TSSK4: variants seen among roughly 807,000 people sequenced by gnomAD.
The protein encoded by TSSK4 is testis-specific serine/threonine-protein kinase 4.
A neutral mutation model predicts 28.5 loss-of-function variants in TSSK4; 22 were observed. That is an observed-to-expected ratio of 0.77 (90% confidence interval 0.55 to 1.10). The LOEUF is 1.10. Among genes scored for constraint, TSSK4 ranks in the 50% least tolerant of loss-of-function variants. The pLI, the probability that TSSK4 is intolerant of heterozygous loss-of-function variation, is 0.00. For missense variants in TSSK4, 329 were observed against 415.4 expected (o/e 0.79, Z 1.81); for synonymous variants, 151 against 158.3 (o/e 0.95, Z 0.35).
chr14:24,207,573 A>G (rs1010523293), intron 3 of TSSK4, 64 bp downstream of exon 3: 8 of 1,523,200 alleles, frequency 5.3e-6, no homozygotes, highest in Non-Finnish European at 7.0e-6. Context: ...TGAATATCCA[A>G]CCTAGGTCAC....
In TSSK4 at chr14:24,207,283, A is replaced by C; in HGVS notation, c.608A>C (p.His203Pro). The change falls in exon 3 of 4, where the codon CAC (histidine) becomes CCC (proline). Residue 203 changes from histidine to proline, a missense_variant. Coordinates refer to ENST00000339917, the MANE Select transcript of TSSK4 (RefSeq NM_001184739.2). ...PSYRQVNCFSHLSQTYCGSFA... is the reference protein window; with the variant it reads ...PSYRQVNCFSPLSQTYCGSFA... Reference sequence around the variant, plus strand: ...TACCGCCAAGTGAACTGCTTTTCCCACCTCAGCCAGACTTACTGTGGCAGC... The same window carrying C: ...TACCGCCAAGTGAACTGCTTTTCCCCCCTCAGCCAGACTTACTGTGGCAGC... 1 of 1,613,828 alleles carries C rather than the reference A, an allele frequency of 6.2e-7. No homozygotes were observed. Among genetic ancestry groups the C allele is most frequent in the South Asian group, 1.1e-5 (1 of 91,070 alleles).
chr14:24,205,988 AAT>A lies in TSSK4; in HGVS notation c.68_69del (p.Tyr23TrpfsTer3). The A allele has an allele frequency of 6.2e-7, 1 of 1,614,232 alleles. No individual in the cohort carries two copies. Among genetic ancestry groups the A allele is most frequent in the Non-Finnish European group, 8.5e-7 (1 of 1,180,038 alleles). ...ACAGCCTACCATTCCCTCATGGATG[AAT>A]ATGGTTATGAGGTGGGCAAGGCCAT... On this transcript the variant is annotated frameshift_variant, in exon 1 of 4. Coordinates refer to ENST00000339917, the MANE Select transcript of TSSK4 (RefSeq NM_001184739.2). LOFTEE classifies it high-confidence loss of function.
chr14:24,206,403 G>T, intron 1 of TSSK4, 106 bp from the exon 2 acceptor site: 1 of 1,240,522 alleles, frequency 8.1e-7, no homozygotes. Flanking sequence ...TTGAGGGGCT[G>T]ATCCTATTGC....
At chr14:24,207,044 C>A (rs1345038967) in intron 2 of TSSK4, 72 bp from the exon 3 acceptor site, 1 of 1,587,844 alleles carries the variant, frequency 6.3e-7, no homozygotes, top group African/African-American at 1.3e-5. Context: ...CCTCCCACTT[C>A]CTCTGTCCTC....
chr14:24,207,407 C>A lies in TSSK4; in HGVS notation c.732C>A (p.Val244=). The part of the protein sequence containing the change: ...SMGVILYTLV[V]AHLPFDDTNL... ...GCGTCATCCTTTACACTCTAGTGGTCGCCCATCTGCCCTTTGATGACACCA... is the reference window on the plus strand; with the variant it reads ...GCGTCATCCTTTACACTCTAGTGGTAGCCCATCTGCCCTTTGATGACACCA... Residue 244 remains valine, a synonymous_variant, in exon 3 of 4, where the codon GTC becomes GTA. Coordinates refer to ENST00000339917, the MANE Select transcript of TSSK4 (RefSeq NM_001184739.2). 6.2e-7 allele frequency: 1 copy of A among 1,614,120 alleles called. No homozygotes were observed. Among genetic ancestry groups the A allele is most frequent in the South Asian group, 1.1e-5 (1 of 91,044 alleles).
rs529528643 is a variant in TSSK4 at position 24,207,997 on chromosome 14, A to C, written c.868A>C (p.Lys290Gln). The change falls in exon 4 of 4, where the codon AAG becomes CAG. Residue 290 changes from lysine (K) to glutamine (Q), a missense_variant. Physicochemically the swap from Lys to Gln is moderately conservative, Grantham distance 53 (BLOSUM62 1). This residue lies in a region of TSSK4 where 139 missense variants were observed against 178.1 expected (regional missense o/e 0.78). Transcript: ENST00000339917. The stretch of plus-strand genomic sequence containing the variant: ...CCTCCAGATGCTACGCCAAGCCACT[A>C]AGCGTGCCACCATTCTGGACATCAT... ...LILQMLRQATKRATILDIIKD... is the reference protein window; with the variant it reads ...LILQMLRQATQRATILDIIKD... The C allele has an allele frequency of 6.2e-7, 1 of 1,614,166 alleles. No individual in the cohort carries two copies. The highest frequency in any genetic ancestry group is 1.1e-5 in the South Asian group (1 of 91,090).
intron 3 of TSSK4, chr14:24,207,746 C>A: frequency 2.9e-6 from 3 of 1,045,640 alleles, no homozygotes; most frequent in Non-Finnish European, 4.2e-6. Context: ...TCTCTTTAGG[C>A]CAGAAGGGAA....
Position 24,205,859 on chromosome 14 carries a change from G to A in TSSK4, c.-65G>A, listed in dbSNP as rs8008017. On this transcript the variant is annotated 5_prime_UTR_variant, in exon 1 of 4. It adds an upstream start codon to the 5' untranslated region. Coordinates refer to ENST00000339917, the MANE Select transcript of TSSK4 (RefSeq NM_001184739.2). Reference sequence around the variant, plus strand: ...ATACCCTAGCCTTCAGCAGCTCAAGGTGTTGGCCTTTGGATAGGAGGCTTC... The same window carrying A: ...ATACCCTAGCCTTCAGCAGCTCAAGATGTTGGCCTTTGGATAGGAGGCTTC... 1,707 of 1,272,790 alleles carry A rather than the reference G, an allele frequency of 1.3e-3. 17 individuals carry two copies. In the African/African-American group the frequency reaches 0.022, roughly 17 times the overall value. The allele number at this position is 1,272,790 out of a possible 1,614,324, so 78.8% of individuals were successfully genotyped here.
At position 24,206,726 on chromosome 14, in the gene TSSK4, G is replaced by A; in HGVS notation, c.440+3G>A. On this transcript the variant is annotated splice_donor_region_variant and intron_variant, in intron 2 of 3. Coordinates refer to ENST00000339917, the MANE Select transcript of TSSK4 (RefSeq NM_001184739.2). ...CACAGCAAGAGCATCGTGCACCGGT[G>A]AGGGCGCTGCCACCCAGACTGGGGC... is the stretch of plus-strand genomic sequence containing the variant. 1 of 1,613,174 alleles carries A rather than the reference G, an allele frequency of 6.2e-7. No homozygotes were observed. The highest frequency in any genetic ancestry group is 8.5e-7 in the Non-Finnish European group (1 of 1,179,924).
Position 24,206,524 on chromosome 14 carries a change from C to G in TSSK4, c.241C>G (p.Arg81Gly), listed in dbSNP as rs200401327. Residue 81 changes from arginine to glycine, a missense_variant, in exon 2 of 4, where the codon CGG (arginine) becomes GGG (glycine). Around this residue, in one of 3 missense-constraint regions of TSSK4, gnomAD observed 175 missense variants for 196.0 expected, o/e 0.89. Coordinates refer to ENST00000339917, the MANE Select transcript of TSSK4 (RefSeq NM_001184739.2). ...PREIQVMKVL[R>G]HKYLINFYRA... ...CTGGGGTCAGGTAATGAAAGTCTTG[C>G]GGCACAAGTACCTCATCAACTTCTA... The G allele has an allele frequency of 5.6e-6, 9 of 1,614,120 alleles. No individual in the cohort carries two copies. In the Admixed American group the frequency reaches 8.3e-5, roughly 15 times the overall value.
In TSSK4 at chr14:24,206,234, G is replaced by C; in HGVS notation, c.225+86G>C. The C allele has an allele frequency of 2.3e-6, 3 of 1,327,364 alleles. No individual in the cohort carries two copies. The South Asian group carries it at 3.7e-5, about 16-fold the overall frequency. 82.2% of individuals were successfully genotyped at this position (1,327,364 alleles called of 1,614,324 possible). On this transcript the variant is annotated intron_variant, in intron 1 of 3. Coordinates refer to ENST00000339917, the MANE Select transcript of TSSK4 (RefSeq NM_001184739.2). Reference sequence around the variant, plus strand: ...AGAAGGGGTATGGCCAGGAGGGGTGGGGCCAGAAACCCCTAAACCAGAACT... The same window carrying C: ...AGAAGGGGTATGGCCAGGAGGGGTGCGGCCAGAAACCCCTAAACCAGAACT...
In TSSK4 at chr14:24,207,982, C is replaced by T. The variant is rs759581077; in HGVS notation, c.853C>T (p.Leu285=). Residue 285 remains leucine (L), a synonymous_variant, in exon 4 of 4, where the codon CTA becomes TTA. Coordinates refer to ENST00000339917, the MANE Select transcript of TSSK4 (RefSeq NM_001184739.2). ...QECKNLILQM[L]RQATKRATIL... ...GCTCTAGAACCTGATCCTCCAGATG[C>T]TACGCCAAGCCACTAAGCGTGCCAC... 4.3e-6 allele frequency: 7 copies of T among 1,614,186 alleles called. No individual in the cohort carries two copies. Among genetic ancestry groups the T allele is most frequent in the Non-Finnish European group, 5.1e-6 (6 of 1,180,018 alleles).
In TSSK4 at chr14:24,206,522, T is replaced by C. The variant is rs1408573737; in HGVS notation, c.239T>C (p.Leu80Ser). The C allele has an allele frequency of 6.2e-7, 1 of 1,614,174 alleles. No individual in the cohort carries two copies. The highest frequency in any genetic ancestry group is 8.5e-7 in the Non-Finnish European group (1 of 1,180,022). Residue 80 changes from leucine to serine, a missense_variant, in exon 2 of 4, where the codon TTG (leucine) becomes TCG (serine). Around this residue, in one of 3 missense-constraint regions of TSSK4, gnomAD observed 175 missense variants for 196.0 expected, o/e 0.89. Coordinates refer to ENST00000339917, the MANE Select transcript of TSSK4 (RefSeq NM_001184739.2). Reference protein sequence around the residue: ...LPREIQVMKVLRHKYLINFYR... With the variant: ...LPREIQVMKVSRHKYLINFYR... ...TTCTGGGGTCAGGTAATGAAAGTCT[T>C]GCGGCACAAGTACCTCATCAACTTC...
At chr14:24,206,319 C>G (rs2039515392) in intron 1 of TSSK4, among the ~76,000 whole-genome samples, 171 bp downstream of exon 1, 1 of 152,198 alleles carries the variant, frequency 6.6e-6, no homozygotes. Context: ...TCCCATCCAC[C>G]CACTCACCTT....
chr14:24,206,363 A>G (rs1242017), intron 1 of TSSK4, 146 bp from the exon 2 acceptor site: 207,090 of 946,532 alleles, frequency 0.22, 24,911 homozygotes, highest in African/African-American at 0.43. Flanking sequence ...AAAACATAGC[A>G]TTTGCCCACA....
chr14:24,207,598 C>T (rs2039544058), intron 3 of TSSK4, 89 bp downstream of exon 3: 15 of 1,441,624 alleles, frequency 1.0e-5, no homozygotes, highest in Non-Finnish European at 1.3e-5. Context: ...CCTAGGCCTC[C>T]CAACCCTGGG....
chr14:24,205,976 C>T lies in TSSK4; in HGVS notation c.53C>T (p.Ser18Phe), dbSNP rs777488097. 3 of 1,614,202 alleles carry T rather than the reference C, an allele frequency of 1.9e-6. No homozygotes were observed. The South Asian group carries it at 3.3e-5, about 18-fold the overall frequency. The stretch of plus-strand genomic sequence containing the variant: ...GCACCAACCACCACAGCCTACCATT[C>T]CCTCATGGATGAATATGGTTATGAG... ...EAAPTTTAYHSLMDEYGYEVG... is the reference protein window; with the variant it reads ...EAAPTTTAYHFLMDEYGYEVG... The change falls in exon 1 of 4, where the codon TCC (serine) becomes TTC (phenylalanine). Residue 18 changes from serine to phenylalanine, a missense_variant. Ser to Phe is a radical substitution (Grantham distance 155). Transcript: ENST00000339917.
In TSSK4 at chr14:24,207,233, C is replaced by G. The variant is rs2039534398; in HGVS notation, c.558C>G (p.Asn186Lys). The change falls in exon 3 of 4, where the codon AAC becomes AAG. Residue 186 changes from asparagine to lysine, a missense_variant. Around this residue, in one of 3 missense-constraint regions of TSSK4, gnomAD observed 15 missense variants for 41.2 expected, o/e 0.36. Coordinates refer to ENST00000339917, the MANE Select transcript of TSSK4 (RefSeq NM_001184739.2). ...GCTTTGCCAAGATGGTGCCTTCTAA[C>G]CAGCCTGTGGGTTGTAGCCCTTCTT... is the stretch of plus-strand genomic sequence containing the variant. ...DFGFAKMVPS[N>K]QPVGCSPSYR... 1 of 1,614,188 alleles carries G rather than the reference C, an allele frequency of 6.2e-7. No individual in the cohort carries two copies.
rs1473411608 is a variant in TSSK4, at chr14:24,207,408, G to A, written c.733G>A (p.Ala245Thr). Residue 245 changes from alanine (A) to threonine (T), a missense_variant, in exon 3 of 4, where the codon GCC becomes ACC. Ala to Thr is a moderately conservative substitution (Grantham distance 58, BLOSUM62 0). This residue lies in a region of TSSK4 where 139 missense variants were observed against 178.1 expected (regional missense o/e 0.78). Coordinates refer to ENST00000339917, the MANE Select transcript of TSSK4 (RefSeq NM_001184739.2). ...CGTCATCCTTTACACTCTAGTGGTCGCCCATCTGCCCTTTGATGACACCAA... is the reference window on the plus strand; with the variant it reads ...CGTCATCCTTTACACTCTAGTGGTCACCCATCTGCCCTTTGATGACACCAA... ...MGVILYTLVV[A>T]HLPFDDTNLK... 9.9e-6 allele frequency: 16 copies of A among 1,614,066 alleles called. No individual in the cohort carries two copies. The highest frequency in any genetic ancestry group is 1.6e-4 in the Middle Eastern group (1 of 6,062).
Sources: gnomAD v4.1 joint callset for allele counts (sites outside exome capture counted in the v4.1 genomes callset) on GRCh38, gnomAD v4.1.1 for gene constraint, gnomAD v4.1.1 regional missense constraint, MANE v1.5 for transcripts, NCBI Gene and HGNC (gene_info 2026-07-23, HGNC 2026-07-21) for gene names.